INPP4B: variants seen among roughly 807,000 people sequenced by gnomAD.
INPP4B encodes the protein inositol polyphosphate-4-phosphatase type II B.
INPP4B carries 55 observed loss-of-function variants against 122.5 expected under a neutral mutation model. The ratio of observed to expected loss-of-function variants is 0.45; its 90% CI spans 0.36 to 0.56. The LOEUF is 0.56. Among genes scored for constraint, INPP4B ranks in the 20% least tolerant of loss-of-function variants. The pLI is 0.00. For synonymous variants in INPP4B, 403 were observed against 388.7 expected (o/e 1.04, Z -0.43); for missense variants, 1,000 against 1,097.7 (o/e 0.91, Z 1.26).
At chr4:142,439,926 C>T (rs1288058852) in intron 3 of INPP4B, among the ~76,000 whole-genome samples, 3 of 152,188 alleles carry the variant, frequency 2.0e-5, no homozygotes, top group Non-Finnish European at 4.4e-5. Flanking sequence ...CAGCTGAAAG[C>T]AATACCATGC....
At chr4:142,610,001 A>G (rs1742128638) in intron 2 of INPP4B, among the ~76,000 whole-genome samples, 1 of 152,160 alleles carries the variant, frequency 6.6e-6, no homozygotes, top group Non-Finnish European at 1.5e-5. Flanking sequence ...CTTGAAATTT[A>G]GCTAATGGGA....
chr4:142,607,014 A>C lies in INPP4B; in HGVS notation c.-191+118825T>G, dbSNP rs1741409802. Among the ~76,000 whole-genome samples, 7 of 152,030 alleles carry C rather than the reference A, an allele frequency of 4.6e-5. No homozygotes were observed. In the South Asian group the frequency reaches 1.4e-3, roughly 31 times the overall value. On this transcript the variant is annotated intron_variant, in intron 2 of 25. Coordinates refer to ENST00000262992, the MANE Select transcript of INPP4B (RefSeq NM_001101669.3). ...TCTAAACTATAAATAAATCTATATA[A>C]CATTATGTCAATATGATTATTAACT... is the stretch of plus-strand genomic sequence containing the variant.
chr4:142,533,231 AC>A (rs1827826748), intron 2 of INPP4B, among the ~76,000 whole-genome samples: 1 of 152,170 alleles, frequency 6.6e-6, no homozygotes, highest in South Asian at 2.1e-4. Context: ...TATACAAAAG[AC>A]AAATGTTTCC....
intron 1 of INPP4B, among the ~76,000 whole-genome samples, chr4:142,800,023 A>G (rs1356330179): frequency 1.3e-5 from 2 of 152,114 alleles, no homozygotes; most frequent in Non-Finnish European, 2.9e-5. Flanking sequence ...AAAGAAGTCC[A>G]ATAAATTTAG....
At chr4:142,118,172 C>T (rs146796438) in intron 21 of INPP4B, among the ~76,000 whole-genome samples, 1,665 of 152,148 alleles carry the variant, frequency 0.011, 29 homozygotes, top group African/African-American at 0.037. Context: ...GAACATTCCA[C>T]GCTCATGCAT....
At chr4:142,232,480 C>T (rs1409574002) in intron 12 of INPP4B, among the ~76,000 whole-genome samples, 2 of 152,064 alleles carry the variant, frequency 1.3e-5, no homozygotes, top group Non-Finnish European at 2.9e-5. Flanking sequence ...CCATGAACCA[C>T]ACCTAAAAGA....
chr4:142,625,236 T>C lies in INPP4B; in HGVS notation c.-191+100603A>G, dbSNP rs1417165693. ...ATGATTGTATATCTAGAAAACCCCA[T>C]TGTCTCAGCCCAAAATCTCCTTAAG... On this transcript the variant is annotated intron_variant, in intron 2 of 25. Coordinates refer to ENST00000262992, the MANE Select transcript of INPP4B (RefSeq NM_001101669.3). 6.6e-5 allele frequency among the ~76,000 whole-genome samples: 10 copies of C among 152,068 alleles called. No individual in the cohort carries two copies. The South Asian group carries it at 1.0e-3, about 16-fold the overall frequency.
intron 5 of INPP4B, among the ~76,000 whole-genome samples, chr4:142,408,630 G>A (rs1478592082): frequency 1.3e-5 from 2 of 152,164 alleles, no homozygotes; most frequent in African/African-American, 4.8e-5. Flanking sequence ...TCTACTCTAG[G>A]AGTGGCCTGC....
At chr4:142,183,470 A>AT (rs1306548910) in intron 15 of INPP4B, among the ~76,000 whole-genome samples, 2 of 152,168 alleles carry the variant, frequency 1.3e-5, no homozygotes, top group Admixed American at 6.5e-5. Flanking sequence ...CCATATGTAC[A>AT]TTTTTTTAAA....
At chr4:142,230,157 TG>T (rs933671319) in intron 12 of INPP4B, among the ~76,000 whole-genome samples, 30 of 152,366 alleles carry the variant, frequency 2.0e-4, no homozygotes, top group African/African-American at 6.7e-4. Flanking sequence ...GTCTTTTTAA[TG>T]TATTAAATTA....
intron 10 of INPP4B, among the ~76,000 whole-genome samples, chr4:142,267,098 T>A (rs917054816): frequency 6.6e-6 from 1 of 152,196 alleles, no homozygotes; most frequent in Admixed American, 6.5e-5. Context: ...GCTCGTGGAT[T>A]GGAAGAATTA....
chr4:142,695,273 G>T (rs1328044689), intron 2 of INPP4B, among the ~76,000 whole-genome samples: 2 of 152,004 alleles, frequency 1.3e-5, no homozygotes, highest in African/African-American at 4.8e-5. Context: ...GGAACTGAAG[G>T]GTCCCTAATA....
At chr4:142,637,850 C>A (rs114917350) in intron 2 of INPP4B, among the ~76,000 whole-genome samples, 2 of 152,250 alleles carry the variant, frequency 1.3e-5, no homozygotes, top group Non-Finnish European at 2.9e-5. Flanking sequence ...CATATGCTCA[C>A]CGACATTTGG....
At chr4:142,211,216 C>T (rs1025587875) in intron 12 of INPP4B, among the ~76,000 whole-genome samples, 1 of 151,908 alleles carries the variant, frequency 6.6e-6, no homozygotes, top group Non-Finnish European at 1.5e-5. Flanking sequence ...CAAAATGGGG[C>T]AGAGTAAGAG....
chr4:142,258,153 T>C (rs902308104), intron 11 of INPP4B, among the ~76,000 whole-genome samples: 2 of 152,192 alleles, frequency 1.3e-5, no homozygotes, highest in Non-Finnish European at 2.9e-5. Flanking sequence ...TAGCCATATG[T>C]AGAAAGCTGA....
At chr4:142,448,284 C>T (rs932536421) in intron 3 of INPP4B, among the ~76,000 whole-genome samples, 4 of 121,474 alleles carry the variant, frequency 3.3e-5, no homozygotes, top group Non-Finnish European at 6.4e-5. Flanking sequence ...CCAAACAGTG[C>T]TTAGATATAA....
intron 2 of INPP4B, among the ~76,000 whole-genome samples, chr4:142,687,572 A>G (rs1348679447): frequency 6.7e-6 from 1 of 149,196 alleles, no homozygotes; most frequent in East Asian, 1.9e-4. Context: ...AAAAAAAAAA[A>G]AAAAAAAAAA....
intron 1 of INPP4B, among the ~76,000 whole-genome samples, chr4:142,783,980 GA>G (rs1775326654): frequency 6.6e-6 from 1 of 152,152 alleles, no homozygotes; most frequent in Non-Finnish European, 1.5e-5. Context: ...AAAAATGCCA[GA>G]GACTTTTGGT....
At chr4:142,819,774 ACACACACACACGCG>A (rs1210748600) in intron 1 of INPP4B, among the ~76,000 whole-genome samples, 3 of 151,876 alleles carry the variant, frequency 2.0e-5, no homozygotes, top group African/African-American at 7.3e-5. Context: ...CAGGGAAGTT[ACACACACACACGCG>A]CACACACACA....
Sources: allele counts gnomAD v4.1 joint callset (sites outside exome capture counted in the v4.1 genomes callset), GRCh38; gene constraint gnomAD v4.1.1; transcripts MANE v1.5; gene names NCBI Gene and HGNC (gene_info 2026-07-23, HGNC 2026-07-21).